Variants in SYNPR observed in about 807,000 individuals in gnomAD.
SYNPR encodes synaptoporin.
A neutral mutation model predicts 32.9 loss-of-function variants in SYNPR; 23 were observed. The ratio of observed to expected loss-of-function variants is 0.70; its 90% CI spans 0.50 to 0.99. The LOEUF (loss-of-function observed/expected upper bound fraction) is 0.99, where lower values mean the gene tolerates loss of function less well. SYNPR is among the 50% of genes least tolerant of loss of function. SYNPR has a pLI of 0.00. For missense variants in SYNPR, 318 were observed against 349.3 expected, an observed-to-expected ratio of 0.91 and a Z score of 0.71; for synonymous variants, 146 against 135.9, an observed-to-expected ratio of 1.07 and a Z score of -0.52.
At chr3:63,469,283 G>C (rs955753940) in intron 2 of SYNPR, among the ~76,000 whole-genome samples, 7 of 152,066 alleles carry the variant, frequency 4.6e-5, no homozygotes, top group African/African-American at 1.7e-4. Flanking sequence ...CACAGCTTCT[G>C]GCAAGGGGTA....
At chr3:63,334,515 AGTGTGTGTGTGTGTGTGTGTGT>A (rs138498529) in intron 2 of SYNPR, among the ~76,000 whole-genome samples, 3 of 149,288 alleles carry the variant, frequency 2.0e-5, no homozygotes, top group Non-Finnish European at 4.4e-5. Context: ...GTCTCAATGA[AGTGTGTGTGTGTGTGTGTGTGT>A]GTGTGTGTGT....
At chr3:63,538,578 G>A (rs1702247936) in intron 3 of SYNPR, among the ~76,000 whole-genome samples, 1 of 151,864 alleles carries the variant, frequency 6.6e-6, no homozygotes, top group South Asian at 2.1e-4. Flanking sequence ...ATAGAAAGTG[G>A]GCAGAAGTGA....
upstream of SYNPR, among the ~76,000 whole-genome samples, chr3:63,225,103 G>A (rs761411671): frequency 1.3e-4 from 20 of 152,220 alleles, no homozygotes; most frequent in Non-Finnish European, 2.8e-4. Context: ...GTGGGAGCCA[G>A]GACCTCTGAG....
At chr3:63,540,810 C>T (rs951010926) in intron 3 of SYNPR, among the ~76,000 whole-genome samples, 7 of 150,856 alleles carry the variant, frequency 4.6e-5, no homozygotes, top group African/African-American at 1.7e-4. Context: ...GTGTTATTTC[C>T]GTTTTTTAGT....
chr3:63,283,096 G>T lies in SYNPR; in HGVS notation c.84+4354G>T, dbSNP rs141893096. Among the ~76,000 whole-genome samples, 483 of 152,236 alleles carry T rather than the reference G, an allele frequency of 3.2e-3. 1 individual carries two copies. Among genetic ancestry groups the T allele is most frequent in the African/African-American group, 0.011 (466 of 41,528 alleles). ...CTGTGGTATGCAGGAAGAGTTGTGG[G>T]CCTATCACCTGTCTACAGTTGTGCA... On this transcript the variant is annotated intron_variant, in intron 2 of 5. Coordinates refer to ENST00000478300, the MANE Select transcript of SYNPR (RefSeq NM_001130003.2).
At chr3:63,349,893 T>C (rs1161287705) in intron 2 of SYNPR, among the ~76,000 whole-genome samples, 15 of 152,212 alleles carry the variant, frequency 9.9e-5, no homozygotes, top group Admixed American at 8.5e-4. Flanking sequence ...TTTATTTTTG[T>C]CTTTTTAACA....
intron 3 of SYNPR, among the ~76,000 whole-genome samples, chr3:63,522,752 AAC>A (rs1346184166): frequency 6.6e-6 from 1 of 152,102 alleles, no homozygotes; most frequent in Non-Finnish European, 1.5e-5. Flanking sequence ...CCCAGCACAA[AAC>A]AGCAGAGGGA....
At chr3:63,578,486 C>A (rs1024297196) in intron 4 of SYNPR, among the ~76,000 whole-genome samples, 4 of 152,030 alleles carry the variant, frequency 2.6e-5, no homozygotes, top group Non-Finnish European at 5.9e-5. Flanking sequence ...ATCTGAAATT[C>A]TCGTGAGGGA....
intron 2 of SYNPR, among the ~76,000 whole-genome samples, chr3:63,439,541 G>A (rs1700133776): frequency 6.6e-6 from 1 of 152,126 alleles, no homozygotes; most frequent in Admixed American, 6.6e-5. Context: ...ACAAATATAT[G>A]GGCAAGTATC....
chr3:63,600,620 T>C (rs892542804), intron 4 of SYNPR, among the ~76,000 whole-genome samples: 1 of 152,162 alleles, frequency 6.6e-6, no homozygotes, highest in Non-Finnish European at 1.5e-5. Flanking sequence ...ATGGGGGCAG[T>C]TTCTCCATGC....
chr3:63,267,757 G>C (rs544728847), intron 3 of SYNPR, among the ~76,000 whole-genome samples: 3 of 152,086 alleles, frequency 2.0e-5, no homozygotes, highest in Non-Finnish European at 2.9e-5. Context: ...TATTATATAG[G>C]ACTGAGAATT....
At chr3:63,505,089 A>C (rs1039479674) in intron 3 of SYNPR, among the ~76,000 whole-genome samples, 3 of 152,138 alleles carry the variant, frequency 2.0e-5, no homozygotes, top group African/African-American at 7.2e-5. Flanking sequence ...GATCAGTGTT[A>C]ACAGCTCTCA....
chr3:63,543,812 A>G (rs1161755351), intron 3 of SYNPR, among the ~76,000 whole-genome samples: 1 of 152,098 alleles, frequency 6.6e-6, no homozygotes, highest in Admixed American at 6.6e-5. Context: ...TAGACACTGT[A>G]CTTGACTAAT....
chr3:63,251,474 T>C (rs1324014937), intron 1 of SYNPR, among the ~76,000 whole-genome samples: 2 of 152,122 alleles, frequency 1.3e-5, no homozygotes, highest in Admixed American at 1.3e-4. Context: ...CTTCTTGTTT[T>C]TGCCTGGAAA....
intron 2 of SYNPR, among the ~76,000 whole-genome samples, chr3:63,411,157 G>A (rs1356282283): frequency 6.6e-6 from 1 of 152,106 alleles, no homozygotes; most frequent in Non-Finnish European, 1.5e-5. Flanking sequence ...CCAGATCCTG[G>A]GTAAAGAGAA....
chr3:63,493,774 C>A (rs9822200), intron 3 of SYNPR, among the ~76,000 whole-genome samples: 31,234 of 146,008 alleles, frequency 0.21, 3,422 homozygotes, highest in Non-Finnish European at 0.22. Flanking sequence ...CAAGATCACA[C>A]CACTGCACTC....
intron 2 of SYNPR, among the ~76,000 whole-genome samples, chr3:63,406,513 T>G (rs1430809937): frequency 1.3e-5 from 2 of 151,982 alleles, no homozygotes; most frequent in African/African-American, 4.8e-5. Context: ...TGAGAAAGAT[T>G]TTGCTTTATG....
intron 2 of SYNPR, among the ~76,000 whole-genome samples, chr3:63,355,548 A>G (rs992541601): frequency 6.6e-6 from 1 of 152,124 alleles, no homozygotes; most frequent in African/African-American, 2.4e-5. Context: ...TGAACATACT[A>G]TTCACCTGCA....
At chr3:63,562,597 A>G (rs1214354738) in intron 4 of SYNPR, among the ~76,000 whole-genome samples, 1 of 152,196 alleles carries the variant, frequency 6.6e-6, no homozygotes, top group Non-Finnish European at 1.5e-5. Flanking sequence ...TGCCTTCCAA[A>G]TATTTTCCTA....
Sources: allele counts gnomAD v4.1 joint callset (sites outside exome capture counted in the v4.1 genomes callset), GRCh38; gene constraint gnomAD v4.1.1; transcripts MANE v1.5; gene names NCBI Gene and HGNC (gene_info 2026-07-23, HGNC 2026-07-21).